COMT: variants seen among roughly 807,000 people sequenced by gnomAD.
The protein encoded by COMT is catechol-O-methyltransferase.
COMT carries 13 observed loss-of-function variants against 18.9 expected under a neutral mutation model. The observed-to-expected ratio is 0.69, with a 90% CI of 0.45 to 1.09. COMT has a LOEUF of 1.09. COMT is among the 50% of genes least tolerant of loss of function. The probability of loss-of-function intolerance (pLI) is 0.00; values close to 1 mark genes in which losing one functional copy is unlikely to be tolerated. For synonymous variants in COMT, 150 were observed against 160.9 expected (o/e 0.93, Z 0.51); for missense variants, 329 against 361.8 (o/e 0.91, Z 0.73).
chr22:19,954,232 G>A (rs868334532), intron 1 of COMT, among the ~76,000 whole-genome samples: 17 of 63,804 alleles, frequency 2.7e-4, no homozygotes, highest in African/African-American at 6.4e-4. Flanking sequence ...AAAAAAAAAA[G>A]CCTTCCCCTG....
At chr22:19,961,490 C>T (rs165722) in intron 2 of COMT, among the ~76,000 whole-genome samples, 75,723 of 152,130 alleles carry the variant, frequency 0.5, 19,053 homozygotes, top group Non-Finnish European at 0.52. Flanking sequence ...CTGCTCTGTC[C>T]TCTGGTGCCC....
intron 1 of COMT, among the ~76,000 whole-genome samples, chr22:19,950,543 T>G (rs1026837192): frequency 2.6e-5 from 4 of 152,124 alleles, no homozygotes; most frequent in African/African-American, 7.2e-5. Flanking sequence ...TGAGCTCAGC[T>G]GGTTGCTTTT....
At chr22:19,951,673 A>G (rs2146137571) in intron 1 of COMT, 1 of 152,386 alleles carries the variant, frequency 6.6e-6, no homozygotes, top group South Asian at 2.1e-4. Context: ...GGAAATTATA[A>G]TATTTGGTGA....
chr22:19,951,206 A>C (rs891689260), intron 1 of COMT, among the ~76,000 whole-genome samples: 4 of 152,058 alleles, frequency 2.6e-5, no homozygotes, highest in Non-Finnish European at 5.9e-5. Flanking sequence ...AAAAATACAA[A>C]AAATTAGCCG....
At chr22:19,946,546 TTTTC>T (rs1194629775) in intron 1 of COMT, among the ~76,000 whole-genome samples, 2 of 152,154 alleles carry the variant, frequency 1.3e-5, no homozygotes, top group African/African-American at 4.8e-5. Context: ...GTCATGGGCC[TTTTC>T]ATTGGTCCCT....
At chr22:19,946,735 A>T (rs1045198898) in intron 1 of COMT, among the ~76,000 whole-genome samples, 1 of 152,174 alleles carries the variant, frequency 6.6e-6, no homozygotes, top group Non-Finnish European at 1.5e-5. Flanking sequence ...GACACATAGC[A>T]TTTTAAATAA....
intron 1 of COMT, among the ~76,000 whole-genome samples, chr22:19,960,983 G>C (rs1960318968): frequency 6.6e-6 from 1 of 152,208 alleles, no homozygotes; most frequent in African/African-American, 2.4e-5. Flanking sequence ...GGGGTCCCTG[G>C]CTGGGGGACA....
intron 5 of COMT, chr22:19,967,203 T>G (rs1285314317): frequency 7.7e-6 from 10 of 1,304,768 alleles, no homozygotes; most frequent in African/African-American, 1.5e-5. Context: ...TGACGTCTTC[T>G]GTATCCCTGA....
intron 1 of COMT, among the ~76,000 whole-genome samples, chr22:19,955,174 G>C (rs1276569290): frequency 6.6e-6 from 1 of 152,198 alleles, no homozygotes; most frequent in African/African-American, 2.4e-5. Flanking sequence ...GGCTCAATGG[G>C]TATTTTGTGG....
chr22:19,959,108 T>C (rs1455030996), intron 1 of COMT, among the ~76,000 whole-genome samples: 1 of 152,136 alleles, frequency 6.6e-6, no homozygotes, highest in Non-Finnish European at 1.5e-5. Context: ...GACACTGAGC[T>C]GGCGTGCCCA....
intron 1 of COMT, among the ~76,000 whole-genome samples, chr22:19,954,480 C>T (rs1221461447): frequency 6.6e-6 from 1 of 152,128 alleles, no homozygotes; most frequent in South Asian, 2.1e-4. Context: ...GAGATGGAGT[C>T]CCACTCTTGT....
Position 19,962,708 on chromosome 22 carries a change from A to G in COMT, c.182A>G (p.Asn61Ser). Residue 61 changes from asparagine to serine, a missense_variant, in exon 3 of 6, where the codon AAC becomes AGC. Physicochemically the swap from Asn to Ser is conservative, Grantham distance 46. Transcript: ENST00000361682. ...MGDTKEQRIL[N>S]HVLQHAEPGN... ...GACACCAAGGAGCAGCGCATCCTGA[A>G]CCACGTGCTGCAGCATGCGGAGCCC... 1 of 1,613,720 alleles carries G rather than the reference A, an allele frequency of 6.2e-7. No homozygotes were observed. The highest frequency in any genetic ancestry group is 8.5e-7 in the Non-Finnish European group (1 of 1,179,998).
intron 1 of COMT, among the ~76,000 whole-genome samples, chr22:19,952,508 CG>C (rs1569127642): frequency 6.6e-6 from 1 of 151,552 alleles, no homozygotes; most frequent in Non-Finnish European, 1.5e-5. Flanking sequence ...GGCGTGGTGG[CG>C]GGCGCCTGTA....
chr22:19,944,267 C>T (rs956275097), intron 1 of COMT, among the ~76,000 whole-genome samples: 14 of 152,182 alleles, frequency 9.2e-5, no homozygotes, highest in African/African-American at 2.7e-4. Flanking sequence ...AAGGATAGGC[C>T]GGGCCCGGTG....
rs568139952 is a variant in COMT at position 19,948,141 on chromosome 22, T to C, written c.-92+6244T>C. 2.0e-5 allele frequency among the ~76,000 whole-genome samples: 3 copies of C among 152,362 alleles called. No homozygotes were observed. In the East Asian group the frequency reaches 5.8e-4, roughly 29 times the overall value. On this transcript the variant is annotated intron_variant, in intron 1 of 5. Transcript: ENST00000361682. ...CATATATAATCATATCTATGATCTA[T>C]ATCTAATGTAACTATTCTTATTTTA...
intron 2 of COMT, chr22:19,961,667 A>G (rs1385643203): frequency 6.6e-6 from 1 of 152,250 alleles, no homozygotes; most frequent in African/African-American, 2.4e-5. Flanking sequence ...GGGCCCTAGA[A>G]GAAGTTTCCT....
intron 1 of COMT, among the ~76,000 whole-genome samples, chr22:19,960,557 C>T (rs1245632669): frequency 7.9e-5 from 12 of 152,170 alleles, no homozygotes; most frequent in Admixed American, 7.8e-4. Flanking sequence ...CGTCCTGCCC[C>T]GCTGGGAAAC....
chr22:19,963,466 G>C, intron 3 of COMT, 100 bp from the exon 4 acceptor site: 2 of 1,393,734 alleles, frequency 1.4e-6, no homozygotes, highest in Non-Finnish European at 2.0e-6. Context: ...ATTTGGGAGG[G>C]GCTCCTGCTC....
At chr22:19,942,040 T>G in intron 1 of COMT, 143 bp downstream of exon 1, 46 of 356,662 alleles carry the variant, frequency 1.3e-4, no homozygotes, top group Middle Eastern at 7.7e-4. Flanking sequence ...TCTCCGGACT[T>G]GGGGTGGGGA....
Sources: gnomAD v4.1 joint callset for allele counts (sites outside exome capture counted in the v4.1 genomes callset) on GRCh38, gnomAD v4.1.1 for gene constraint, MANE v1.5 for transcripts, NCBI Gene and HGNC (gene_info 2026-07-23, HGNC 2026-07-21) for gene names.